EPHA5: variants seen among roughly 807,000 people sequenced by gnomAD.
EPHA5 encodes the protein EPH receptor A5.
EPHA5 carries 60 observed loss-of-function variants against 105.0 expected under a neutral mutation model. That is an observed-to-expected ratio of 0.57 (90% CI 0.46 to 0.71). The LOEUF (loss-of-function observed/expected upper bound fraction) is 0.71, where lower values mean the gene tolerates loss of function less well. Among genes scored for constraint, EPHA5 ranks in the 30% least tolerant of loss-of-function variants. The pLI, the probability that EPHA5 is intolerant of heterozygous loss-of-function variation, is 0.00. For missense variants in EPHA5, 1,218 were observed against 1,274.7 expected, an observed-to-expected ratio of 0.96 and a Z score of 0.68; for synonymous variants, 513 against 449.1, an observed-to-expected ratio of 1.14 and a Z score of -1.80.
At chr4:65,459,981 A>C (rs1727975159) in intron 5 of EPHA5, among the ~76,000 whole-genome samples, 1 of 151,796 alleles carries the variant, frequency 6.6e-6, no homozygotes, top group East Asian at 1.9e-4. Context: ...AGGGAACCCT[A>C]TTCAAACCAT....
intron 11 of EPHA5, among the ~76,000 whole-genome samples, chr4:65,363,842 TG>T (rs1352215194): frequency 6.6e-6 from 1 of 151,624 alleles, no homozygotes; most frequent in Non-Finnish European, 1.5e-5. Context: ...GTTCAAATTC[TG>T]ATTTTATTTT....
chr4:65,523,460 G>A (rs999258870), intron 3 of EPHA5, among the ~76,000 whole-genome samples: 3 of 151,928 alleles, frequency 2.0e-5, no homozygotes, highest in Non-Finnish European at 4.4e-5. Flanking sequence ...ATCAGCCATC[G>A]TAAACTCAAT....
At chr4:65,438,961 G>T (rs1160403099) in intron 5 of EPHA5, among the ~76,000 whole-genome samples, 1 of 152,016 alleles carries the variant, frequency 6.6e-6, no homozygotes, top group Non-Finnish European at 1.5e-5. Flanking sequence ...ATAGCTGTAA[G>T]AGCTAACACT....
At chr4:65,609,307 C>T (rs1455044755) in intron 2 of EPHA5, among the ~76,000 whole-genome samples, 1 of 152,096 alleles carries the variant, frequency 6.6e-6, no homozygotes, top group African/African-American at 2.4e-5. Context: ...GAAAAAAAGA[C>T]TTGCATCAAG....
intron 3 of EPHA5, among the ~76,000 whole-genome samples, chr4:65,532,979 C>T (rs1266693078): frequency 6.6e-6 from 1 of 152,018 alleles, no homozygotes; most frequent in Non-Finnish European, 1.5e-5. Context: ...TGCTTCCATC[C>T]CCCTAAACTC....
Position 65,374,932 on chromosome 4 carries a change from T to C in EPHA5, c.1794-7508A>G, listed in dbSNP as rs554659319. ...TTAGTATTTTACTGACTCTCCTAGA[T>C]AAATGATTCTTCTCAGCTCTTAATA... On this transcript the variant is annotated intron_variant, in intron 8 of 16. Transcript: ENST00000613740. Among the ~76,000 whole-genome samples, 45 of 152,026 alleles carry C rather than the reference T, an allele frequency of 3.0e-4. 1 individual carries two copies. The South Asian group carries it at 8.9e-3, about 30-fold the overall frequency.
intron 14 of EPHA5, among the ~76,000 whole-genome samples, chr4:65,343,347 C>T (rs2148828983): frequency 6.6e-6 from 1 of 152,098 alleles, no homozygotes; most frequent in East Asian, 1.9e-4. Flanking sequence ...AGGTTTTCTT[C>T]CTGATGGAAG....
intron 9 of EPHA5, 145 bp downstream of exon 9, chr4:65,367,212 G>A: frequency 1.5e-6 from 1 of 645,982 alleles, no homozygotes; most frequent in Non-Finnish European, 2.5e-6. Flanking sequence ...ATTCTTTACA[G>A]GAATGTAACA....
intron 3 of EPHA5, among the ~76,000 whole-genome samples, chr4:65,564,931 A>G (rs966716369): frequency 2.6e-5 from 4 of 151,724 alleles, no homozygotes; most frequent in Non-Finnish European, 4.4e-5. Context: ...TTTATGACCT[A>G]ATTTTACACA....
chr4:65,467,238 G>A (rs542469924), intron 5 of EPHA5, among the ~76,000 whole-genome samples: 2 of 152,234 alleles, frequency 1.3e-5, no homozygotes, highest in East Asian at 3.9e-4. Flanking sequence ...AGACCAGAAA[G>A]CAAAAGAGAG....
intron 3 of EPHA5, chr4:65,574,034 G>A (rs1740526994): frequency 1.3e-6 from 2 of 1,599,446 alleles, no homozygotes; most frequent in Non-Finnish European, 8.6e-7. Flanking sequence ...GAACACACCA[G>A]AAATTTGTCA....
intron 5 of EPHA5, among the ~76,000 whole-genome samples, chr4:65,472,601 T>C (rs1418601543): frequency 1.3e-5 from 2 of 152,226 alleles, no homozygotes; most frequent in Non-Finnish European, 2.9e-5. Flanking sequence ...CGCTAAGGCT[T>C]GGGGCTTGCA....
chr4:65,643,272 A>G lies in EPHA5; in HGVS notation c.246+91T>C. ...ATAGCACCTCCTGTCTTAACAACAT[A>G]TACATCCAGTACATATTCATTCCTG... On this transcript the variant is annotated intron_variant, in intron 2 of 16. Transcript: ENST00000613740. 3.9e-6 allele frequency: 4 copies of G among 1,032,868 alleles called. 1 individual carries two copies. In the South Asian group the frequency reaches 4.0e-5, roughly 10 times the overall value. 64.0% of individuals were successfully genotyped at this position (1,032,868 alleles called of 1,614,324 possible).
chr4:65,589,969 A>G (rs1233790415), intron 3 of EPHA5, among the ~76,000 whole-genome samples: 1 of 152,162 alleles, frequency 6.6e-6, no homozygotes, highest in Non-Finnish European at 1.5e-5. Context: ...AATCCTTTCA[A>G]AATACTTTGA....
chr4:65,466,597 G>A (rs918655261), intron 5 of EPHA5, among the ~76,000 whole-genome samples: 1 of 152,190 alleles, frequency 6.6e-6, no homozygotes, highest in African/African-American at 2.4e-5. Flanking sequence ...TTGCAATCTA[G>A]TTATGACATA....
At chr4:65,406,527 T>C (rs1273510937) in intron 7 of EPHA5, among the ~76,000 whole-genome samples, 1 of 152,132 alleles carries the variant, frequency 6.6e-6, no homozygotes. Flanking sequence ...CACAGCAATG[T>C]ATGAATGATT....
chr4:65,587,617 T>C (rs776915661), intron 3 of EPHA5, among the ~76,000 whole-genome samples: 2 of 152,126 alleles, frequency 1.3e-5, no homozygotes, highest in African/African-American at 2.4e-5. Context: ...ATAGGAAATA[T>C]GTTAAAAAGT....
At position 65,320,016 on chromosome 4, in the gene EPHA5, A is replaced by T. The variant is rs1350952117; in HGVS notation, c.*4098T>A. 4 of 230,134 alleles carry T rather than the reference A, an allele frequency of 1.7e-5. No individual in the cohort carries two copies. The highest frequency in any genetic ancestry group is 6.1e-5 in the East Asian group (1 of 16,266). 14.3% of individuals were successfully genotyped at this position (230,134 alleles called of 1,614,324 possible). A position where few individuals can be genotyped will look rare whatever the true frequency, so the allele number is the denominator to read the frequency against. Reference sequence around the variant, plus strand: ...CATTAACGTTTAGAAGAAACAAACAACATTTGATTCTGATTATTATAAACA... The same window carrying T: ...CATTAACGTTTAGAAGAAACAAACATCATTTGATTCTGATTATTATAAACA... On this transcript the variant is annotated 3_prime_UTR_variant, in exon 17 of 17. Coordinates refer to ENST00000613740, the MANE Select transcript of EPHA5 (RefSeq NM_001281766.3).
chr4:65,597,970 A>G (rs116418912), intron 3 of EPHA5, among the ~76,000 whole-genome samples: 1,780 of 152,332 alleles, frequency 0.012, 10 homozygotes, highest in Non-Finnish European at 0.018. Flanking sequence ...AACAAGTCAC[A>G]TAAGCATGAT....
Sources: allele counts gnomAD v4.1 joint callset (sites outside exome capture counted in the v4.1 genomes callset), GRCh38; gene constraint gnomAD v4.1.1; transcripts MANE v1.5; gene names NCBI Gene and HGNC (gene_info 2026-07-23, HGNC 2026-07-21).